Variants in ATXN7 observed in about 807,000 individuals in gnomAD.
ATXN7 encodes ataxin-7.
Under a neutral mutation model 70.5 loss-of-function variants are expected in ATXN7, and 12 were observed. The observed-to-expected ratio is 0.17, with a 90% CI of 0.11 to 0.28. The LOEUF (loss-of-function observed/expected upper bound fraction) is 0.28. Ranked by LOEUF, ATXN7 falls within the 10% of genes least tolerant of loss-of-function variation. The probability of loss-of-function intolerance (pLI) is 1.00; values close to 1 mark genes in which losing one functional copy is unlikely to be tolerated. For missense variants in ATXN7, 1,256 were observed against 1,131.7 expected (o/e 1.11, Z -1.58); for synonymous variants, 498 against 448.7 (o/e 1.11, Z -1.39).
chr3:63,967,720 A>G, intron 5 of ATXN7: 8 of 1,325,986 alleles, frequency 6.0e-6, no homozygotes, highest in Non-Finnish European at 7.8e-6. Flanking sequence ...TGACCATATT[A>G]GATGAAATTA....
At chr3:63,869,248 A>G (rs1702525829) in intron 1 of ATXN7, among the ~76,000 whole-genome samples, 1 of 152,176 alleles carries the variant, frequency 6.6e-6, no homozygotes, top group Non-Finnish European at 1.5e-5. Flanking sequence ...GTTGTGTTCA[A>G]CTTGGTCCAG....
chr3:63,904,909 TTTG>T (rs921682225), intron 2 of ATXN7: 1 of 152,250 alleles, frequency 6.6e-6, no homozygotes, highest in Non-Finnish European at 1.5e-5. Context: ...TTTCTGTTCT[TTTG>T]TTGTTGTTTA....
At chr3:63,899,526 C>CT (rs770219551) in intron 2 of ATXN7, among the ~76,000 whole-genome samples, 1 of 151,344 alleles carries the variant, frequency 6.6e-6, no homozygotes, top group East Asian at 2.0e-4. Flanking sequence ...AATCCCAGTA[C>CT]TTTGGGAGGC....
chr3:63,979,940 G>A lies in ATXN7; in HGVS notation c.525G>A (p.Lys175=). ...AAAGAAGACATAGCTCATCCAGCAA[G>A]CCGCCTTTGGCCGTTCCTCCCACTT... ...HYERRHSSSS[K]PPLAVPPTSV... The change falls in exon 6 of 13, where the codon AAG becomes AAA. Residue 175 remains lysine (K), a synonymous_variant. Transcript: ENST00000674280. 1 of 1,614,128 alleles carries A rather than the reference G, an allele frequency of 6.2e-7. No homozygotes were observed. Among genetic ancestry groups the A allele is most frequent in the Non-Finnish European group, 8.5e-7 (1 of 1,180,010 alleles).
chr3:63,901,630 G>A (rs1011594892), intron 2 of ATXN7: 6 of 152,044 alleles, frequency 3.9e-5, no homozygotes, highest in Non-Finnish European at 8.8e-5. Context: ...CTCGCTATGT[G>A]TCCTAGGCTA....
At chr3:63,972,789 A>C (rs2075333319) in intron 5 of ATXN7, among the ~76,000 whole-genome samples, 1 of 152,236 alleles carries the variant, frequency 6.6e-6, no homozygotes, top group Non-Finnish European at 1.5e-5. Flanking sequence ...GGCACGTAAA[A>C]ATATGTATAC....
At chr3:63,871,429 C>A (rs1347745196) in intron 1 of ATXN7, among the ~76,000 whole-genome samples, 1 of 151,752 alleles carries the variant, frequency 6.6e-6, no homozygotes, top group Non-Finnish European at 1.5e-5. Flanking sequence ...CAATATGAAC[C>A]CAAAGTCATT....
chr3:63,992,891 A>C (rs752545717), intron 11 of ATXN7, among the ~76,000 whole-genome samples: 4 of 152,138 alleles, frequency 2.6e-5, no homozygotes, highest in Non-Finnish European at 4.4e-5. Context: ...GCAGCCCCTG[A>C]GATTTTCTCT....
chr3:63,920,667 T>A (rs1261825929), intron 4 of ATXN7, among the ~76,000 whole-genome samples: 2 of 152,140 alleles, frequency 1.3e-5, no homozygotes, highest in Non-Finnish European at 2.9e-5. Context: ...GTTGTTCTTT[T>A]ATAACATTTT....
intron 1 of ATXN7, among the ~76,000 whole-genome samples, chr3:63,891,900 C>T (rs559141642): frequency 1.4e-4 from 21 of 152,138 alleles, no homozygotes; most frequent in Non-Finnish European, 2.6e-4. Flanking sequence ...AAAAACTGTA[C>T]GAGCATTATT....
chr3:63,973,731 T>C (rs1211266916), intron 5 of ATXN7, among the ~76,000 whole-genome samples: 1 of 151,928 alleles, frequency 6.6e-6, no homozygotes, highest in Non-Finnish European at 1.5e-5. Flanking sequence ...AAGAATTTTA[T>C]TGAGCAATGA....
chr3:63,871,437 A>G (rs959136418), intron 1 of ATXN7, among the ~76,000 whole-genome samples: 1 of 152,210 alleles, frequency 6.6e-6, no homozygotes, highest in African/African-American at 2.4e-5. Context: ...ACCCAAAGTC[A>G]TTACAAAAAA....
intron 11 of ATXN7, among the ~76,000 whole-genome samples, chr3:63,992,322 C>T (rs966712344): frequency 6.6e-6 from 1 of 152,168 alleles, no homozygotes; most frequent in East Asian, 1.9e-4. Flanking sequence ...AGAGGTTCTT[C>T]TTTATGAAGG....
chr3:63,973,134 G>C (rs1174197559), intron 5 of ATXN7, among the ~76,000 whole-genome samples: 1 of 152,190 alleles, frequency 6.6e-6, no homozygotes, highest in African/African-American at 2.4e-5. Context: ...CACCCAATTA[G>C]TAACTGGCAG....
chr3:63,978,670 A>T (rs903673772), intron 5 of ATXN7, among the ~76,000 whole-genome samples: 2 of 152,222 alleles, frequency 1.3e-5, no homozygotes, highest in Non-Finnish European at 2.9e-5. Flanking sequence ...ACTTGATTGT[A>T]GCCTTTGTGT....
At chr3:63,925,603 CAT>C (rs59332565) in intron 4 of ATXN7, among the ~76,000 whole-genome samples, 2,713 of 152,244 alleles carry the variant, frequency 0.018, 90 homozygotes, top group African/African-American at 0.059. Context: ...TCTCTGGTGT[CAT>C]AAAGATTGGG....
intron 1 of ATXN7, chr3:63,864,950 A>G (rs1427798187): frequency 6.6e-6 from 1 of 152,220 alleles, no homozygotes; most frequent in East Asian, 1.9e-4. Context: ...TTTGACCTCC[A>G]GTGGGATAGA....
At chr3:63,955,212 C>A (rs1256122698) in intron 5 of ATXN7, among the ~76,000 whole-genome samples, 2 of 152,012 alleles carry the variant, frequency 1.3e-5, no homozygotes, top group Non-Finnish European at 2.9e-5. Context: ...GACAAAGCCA[C>A]TAGGTAGGAG....
chr3:63,932,231 G>A (rs2074560147), intron 4 of ATXN7, among the ~76,000 whole-genome samples: 1 of 152,094 alleles, frequency 6.6e-6, no homozygotes, highest in Non-Finnish European at 1.5e-5. Flanking sequence ...GTTTTGTTTT[G>A]CTTAGTGCAT....
Sources: allele counts gnomAD v4.1 joint callset (sites outside exome capture counted in the v4.1 genomes callset), GRCh38; gene constraint gnomAD v4.1.1; transcripts MANE v1.5; gene names NCBI Gene and HGNC (gene_info 2026-07-23, HGNC 2026-07-21).